Variants in SH2D1A observed in about 807,000 individuals in gnomAD.
SH2D1A encodes the protein SH2 domain-containing protein 1A.
A neutral mutation model predicts 10.1 loss-of-function variants in SH2D1A; 6 were observed. That is an observed-to-expected ratio of 0.60 (90% CI 0.33 to 1.18). SH2D1A has a LOEUF of 1.18. Among genes scored for constraint, SH2D1A ranks in the 50% most tolerant of loss-of-function variants. The pLI, the probability that SH2D1A is intolerant of heterozygous loss-of-function variation, is 0.04. For missense variants in SH2D1A, 51 were observed against 97.6 expected, an observed-to-expected ratio of 0.52 and a Z score of 2.01; for synonymous variants, 42 against 36.9, an observed-to-expected ratio of 1.14 and a Z score of -0.51.
At chrX:124,350,187 AT>A (rs1363179171) in intron 1 of SH2D1A, among the ~76,000 whole-genome samples, 2 of 65,744 alleles carry the variant, frequency 3.0e-5, no homozygotes, top group Admixed American at 2.6e-4. Context: ...AATATATATA[AT>A]ATATAAATAT....
At chrX:124,354,718 A>G (rs2147524910) in intron 1 of SH2D1A, among the ~76,000 whole-genome samples, 1 of 112,396 alleles carries the variant, frequency 8.9e-6, no homozygotes. Flanking sequence ...AACATGTAAT[A>G]TGTGTTTTTT....
intron 1 of SH2D1A, among the ~76,000 whole-genome samples, chrX:124,353,783 T>C (rs1216975546): frequency 8.9e-6 from 1 of 112,572 alleles, no homozygotes; most frequent in East Asian, 2.8e-4. Flanking sequence ...TATAATTCTT[T>C]AGCTTCAAGG....
chrX:124,361,989 A>G (rs2060041200), intron 1 of SH2D1A, among the ~76,000 whole-genome samples: 1 of 112,099 alleles, frequency 8.9e-6, no homozygotes, highest in South Asian at 3.7e-4. Context: ...ACTTAAGATT[A>G]CTTATGATGT....
intron 1 of SH2D1A, among the ~76,000 whole-genome samples, chrX:124,351,014 T>TA (rs1487562253): frequency 3.4e-5 from 3 of 88,128 alleles, no homozygotes; most frequent in Admixed American, 1.5e-4. Flanking sequence ...ATGTATATTT[T>TA]TATATATTAT....
chrX:124,370,409 T>C (rs1487648857), intron 3 of SH2D1A, 89 bp downstream of exon 3: 12 of 803,210 alleles, frequency 1.5e-5, no homozygotes, highest in South Asian at 8.7e-5. Flanking sequence ...TTAGAAGTTA[T>C]GTAAGAAAAA....
intron 2 of SH2D1A, among the ~76,000 whole-genome samples, chrX:124,366,396 A>G (rs1210119320): frequency 9.0e-6 from 1 of 110,637 alleles, no homozygotes; most frequent in Non-Finnish European, 1.9e-5. Context: ...AACGGAGCCT[A>G]AGAATCCTCC....
At position 124,347,292 on chromosome X, in the gene SH2D1A, G is replaced by A. The variant is rs1169595451; in HGVS notation, c.137+513G>A. On this transcript the variant is annotated intron_variant, in intron 1 of 3. Coordinates refer to ENST00000371139, the MANE Select transcript of SH2D1A (RefSeq NM_002351.5). Reference sequence around the variant, plus strand: ...AGGTCGAGATGCTGAGAGAGGAGGGGGATGTGTGTCAGTAAAATCACCTCT... The same window carrying A: ...AGGTCGAGATGCTGAGAGAGGAGGGAGATGTGTGTCAGTAAAATCACCTCT... Among the ~76,000 whole-genome samples, 8 of 110,237 alleles carry A rather than the reference G, an allele frequency of 7.3e-5. 1 individual carries two copies. Among genetic ancestry groups the A allele is most frequent in the Non-Finnish European group, 1.3e-4 (7 of 52,799 alleles).
chrX:124,348,760 A>G (rs1240461957), intron 1 of SH2D1A, among the ~76,000 whole-genome samples: 1 of 112,261 alleles, frequency 8.9e-6, no homozygotes, highest in African/African-American at 3.2e-5. Context: ...CTCCATCACC[A>G]GAAACACAGG....
chrX:124,371,309 T>C, intron 3 of SH2D1A, 42 bp from the exon 4 acceptor site: 1 of 944,594 alleles, frequency 1.1e-6, no homozygotes, highest in Non-Finnish European at 1.5e-6. Context: ...TTTTAATAGT[T>C]TGTAAGTTTA....
rs916233671 is a variant in SH2D1A at position 124,364,499 on chromosome X, T to C, written c.138-1262T>C. ...AGTTGAAGCTAAGATTAATTTATTA[T>C]TGAAGCGATACAGTTTTTTTTTTTT... On this transcript the variant is annotated intron_variant, in intron 1 of 3. Transcript: ENST00000371139. 2.8e-5 allele frequency: 6 copies of C among 211,060 alleles called. No individual in the cohort carries two copies. The Admixed American group carries it at 3.8e-4, about 13-fold the overall frequency. The allele number at this position is 211,060 out of a possible 1,213,427, so 17.4% of individuals were successfully genotyped here. A position where few individuals can be genotyped will look rare whatever the true frequency, so the allele number is the denominator to read the frequency against.
At chrX:124,360,944 T>A (rs1243206942) in intron 1 of SH2D1A, among the ~76,000 whole-genome samples, 7 of 111,611 alleles carry the variant, frequency 6.3e-5, no homozygotes, top group Non-Finnish European at 1.3e-4. Flanking sequence ...TGCTTCTTAA[T>A]CTCTAGACTG....
At chrX:124,353,079 G>A (rs2060018951) in intron 1 of SH2D1A, 1 of 119,180 alleles carries the variant, frequency 8.4e-6, no homozygotes, top group South Asian at 3.0e-4. Context: ...TTATTACAAT[G>A]CATACATGTG....
At chrX:124,358,057 A>C (rs1387525833) in intron 1 of SH2D1A, among the ~76,000 whole-genome samples, 1 of 110,741 alleles carries the variant, frequency 9.0e-6, no homozygotes, top group Non-Finnish European at 1.9e-5. Context: ...TATGGTTTGC[A>C]AATATATTCT....
chrX:124,361,698 A>G (rs1283429765), intron 1 of SH2D1A, among the ~76,000 whole-genome samples: 1 of 112,017 alleles, frequency 8.9e-6, no homozygotes, highest in African/African-American at 3.2e-5. Context: ...ACTTGACTGA[A>G]CTGTGTTCTA....
At chrX:124,350,951 A>G (rs113622923) in intron 1 of SH2D1A, among the ~76,000 whole-genome samples, 839 of 69,229 alleles carry the variant, frequency 0.012, 21 homozygotes, top group African/African-American at 0.026. Context: ...TATAAGATAT[A>G]ATATATTATA....
intron 1 of SH2D1A, among the ~76,000 whole-genome samples, chrX:124,353,902 C>A (rs192446913): frequency 8.9e-6 from 1 of 111,985 alleles, no homozygotes; most frequent in East Asian, 2.8e-4. Context: ...TGTCAAACAA[C>A]TGAACTGGAG....
chrX:124,364,443 TA>T (rs1380494379), intron 1 of SH2D1A: 2 of 276,931 alleles, frequency 7.2e-6, no homozygotes, highest in African/African-American at 2.9e-5. Context: ...TCAAAAAGTT[TA>T]AAAAAATTTA....
rs2060072751 is a variant in SH2D1A at position 124,372,737 on chromosome X, G to A, written c.*1346G>A. ...ATTGTGTATGGGTGTTGGTGAACTT[G>A]GTTTTAATTAGTGAACTGCTGAGAG... On this transcript the variant is annotated 3_prime_UTR_variant, in exon 4 of 4. Transcript: ENST00000371139. 2 of 166,044 alleles carry A rather than the reference G, an allele frequency of 1.2e-5. No homozygotes were observed. Among genetic ancestry groups the A allele is most frequent in the African/African-American group, 6.0e-5 (2 of 33,272 alleles). 13.7% of individuals were successfully genotyped at this position (166,044 alleles called of 1,213,427 possible). A position where few individuals can be genotyped will look rare whatever the true frequency, so the allele number is the denominator to read the frequency against.
chrX:124,349,692 A>T (rs1242961926), intron 1 of SH2D1A, among the ~76,000 whole-genome samples: 1 of 110,858 alleles, frequency 9.0e-6, no homozygotes, highest in East Asian at 2.8e-4. Context: ...CCTTTTCCCC[A>T]GTTCTGAACC....
Sources: gnomAD v4.1 joint callset for allele counts (sites outside exome capture counted in the v4.1 genomes callset) on GRCh38, gnomAD v4.1.1 for gene constraint, MANE v1.5 for transcripts, NCBI Gene and HGNC (gene_info 2026-07-23, HGNC 2026-07-21) for gene names.